HPSE2: variants seen among roughly 807,000 people sequenced by gnomAD.
HPSE2 encodes the protein heparanase 2 (inactive), also known as inactive heparanase-2.
Under a neutral mutation model 60.5 loss-of-function variants are expected in HPSE2, and 38 were observed. That is an observed-to-expected ratio of 0.63 (90% CI 0.48 to 0.82). HPSE2 has a LOEUF of 0.82. HPSE2 is among the 40% of genes least tolerant of loss of function. The probability of loss-of-function intolerance (pLI) is 0.00; values close to 1 mark genes in which losing one functional copy is unlikely to be tolerated. For missense variants in HPSE2, 713 were observed against 740.4 expected (o/e 0.96, Z 0.43); for synonymous variants, 295 against 293.2 (o/e 1.01, Z -0.06).
chr10:99,228,357 T>C (rs1849540382), intron 2 of HPSE2, among the ~76,000 whole-genome samples: 1 of 152,152 alleles, frequency 6.6e-6, no homozygotes, highest in Non-Finnish European at 1.5e-5. Context: ...AAGAGCAACA[T>C]GATGAATATG....
chr10:99,151,912 T>G (rs937647466), intron 2 of HPSE2, among the ~76,000 whole-genome samples: 2 of 151,388 alleles, frequency 1.3e-5, no homozygotes, highest in East Asian at 3.9e-4. Context: ...CTAGACCCTA[T>G]CTCATAAATA....
chr10:99,004,994 T>G (rs776859424), intron 3 of HPSE2, among the ~76,000 whole-genome samples: 10 of 152,314 alleles, frequency 6.6e-5, no homozygotes, highest in Non-Finnish European at 1.2e-4. Flanking sequence ...CTATAAAGTT[T>G]CTGCTCAGAA....
intron 6 of HPSE2, among the ~76,000 whole-genome samples, chr10:98,655,706 C>T (rs867743821): frequency 2.6e-5 from 4 of 152,286 alleles, no homozygotes; most frequent in Admixed American, 6.5e-5. Flanking sequence ...TCAACACTGA[C>T]CTTTTGCAGT....
chr10:99,063,307 A>G (rs1435735382), intron 3 of HPSE2, among the ~76,000 whole-genome samples: 1 of 152,128 alleles, frequency 6.6e-6, no homozygotes, highest in Non-Finnish European at 1.5e-5. Context: ...CCAAATCAAT[A>G]TGAAAAATAC....
chr10:98,657,218 A>AAAAAT (rs1218111415), intron 6 of HPSE2, among the ~76,000 whole-genome samples: 1 of 151,902 alleles, frequency 6.6e-6, no homozygotes, highest in Admixed American at 6.6e-5. Context: ...TGTGCAAAAA[A>AAAAAT]AAAAAGCATT....
At chr10:98,951,617 G>A (rs1240597814) in intron 3 of HPSE2, among the ~76,000 whole-genome samples, 4 of 152,206 alleles carry the variant, frequency 2.6e-5, no homozygotes, top group African/African-American at 9.6e-5. Flanking sequence ...AAATGTGACA[G>A]TGGCTTTACT....
intron 2 of HPSE2, among the ~76,000 whole-genome samples, chr10:99,213,539 A>C (rs1041017965): frequency 1.8e-4 from 28 of 152,132 alleles, no homozygotes; most frequent in African/African-American, 6.8e-4. Context: ...CTTCAGTTTG[A>C]GGCATATATC....
the HPSE2 span, among the ~76,000 whole-genome samples, chr10:99,298,955 G>A: frequency 6.6e-6 from 1 of 152,208 alleles, no homozygotes; most frequent in African/African-American, 2.4e-5. Flanking sequence ...TAACAGGTGT[G>A]AGCCACTGTG....
At chr10:98,910,209 G>A (rs968730672) in intron 3 of HPSE2, among the ~76,000 whole-genome samples, 2 of 152,146 alleles carry the variant, frequency 1.3e-5, no homozygotes, top group African/African-American at 4.8e-5. Context: ...TGAGGGAGGG[G>A]CTAGTACTTC....
intron 11 of HPSE2, among the ~76,000 whole-genome samples, chr10:98,469,268 G>C (rs1445376130): frequency 6.6e-6 from 1 of 152,096 alleles, no homozygotes; most frequent in Non-Finnish European, 1.5e-5. Flanking sequence ...AATCATCTGG[G>C]GGAAGTTTGG....
intron 3 of HPSE2, among the ~76,000 whole-genome samples, chr10:99,057,307 A>G (rs1232152238): frequency 6.6e-6 from 1 of 152,224 alleles, no homozygotes; most frequent in African/African-American, 2.4e-5. Context: ...TAAATAAAAT[A>G]ACAGCAAGTG....
chr10:98,543,489 A>G (rs1005425608), intron 9 of HPSE2, among the ~76,000 whole-genome samples: 9 of 152,206 alleles, frequency 5.9e-5, no homozygotes, highest in African/African-American at 1.9e-4. Flanking sequence ...TATTAACTTT[A>G]AATGTAAATG....
At chr10:99,259,141 A>C in the HPSE2 span, among the ~76,000 whole-genome samples, 1 of 152,154 alleles carries the variant, frequency 6.6e-6, no homozygotes, top group Non-Finnish European at 1.5e-5. Flanking sequence ...CCCCATCTCT[A>C]CTAAAAATGC....
At chr10:98,465,890 GT>G (rs1171498563) in intron 11 of HPSE2, among the ~76,000 whole-genome samples, 2 of 152,090 alleles carry the variant, frequency 1.3e-5, no homozygotes, top group African/African-American at 2.4e-5. Flanking sequence ...TTTTTACAAA[GT>G]CTGAGTTATT....
chr10:99,268,405 A>G, the HPSE2 span, among the ~76,000 whole-genome samples: 3 of 152,198 alleles, frequency 2.0e-5, no homozygotes, highest in South Asian at 6.2e-4. Context: ...GCACTTTGGG[A>G]GGCTGAGCTG....
the HPSE2 span, among the ~76,000 whole-genome samples, chr10:99,251,597 A>ACCAAAACTTG: frequency 9.6e-4 from 36 of 37,438 alleles, no homozygotes; most frequent in Admixed American, 2.7e-3. Flanking sequence ...ACAAAATACT[A>ACCAAAACTTG]GCAAACCGAA....
chr10:98,899,834 A>G (rs1367230578), intron 3 of HPSE2, among the ~76,000 whole-genome samples: 1 of 141,974 alleles, frequency 7.0e-6, no homozygotes, highest in East Asian at 2.1e-4. Flanking sequence ...CCCAGGCCGG[A>G]GTGCAGTGGC....
At position 98,713,970 on chromosome 10, in the gene HPSE2, C is replaced by T. The variant is rs111899336; in HGVS notation, c.956+7687G>A. Among the ~76,000 whole-genome samples, 559 of 152,006 alleles carry T rather than the reference C, an allele frequency of 3.7e-3. 7 individuals carry two copies. Among genetic ancestry groups the T allele is most frequent in the African/African-American group, 0.013 (538 of 41,520 alleles). Reference sequence around the variant, plus strand: ...TATTTCTTCTCTCCATTTCTACCTTCTATTTCTATCAACTGTCCCTTTACT... The same window carrying T: ...TATTTCTTCTCTCCATTTCTACCTTTTATTTCTATCAACTGTCCCTTTACT... On this transcript the variant is annotated intron_variant, in intron 5 of 11. Transcript: ENST00000370552.
intron 3 of HPSE2, among the ~76,000 whole-genome samples, chr10:98,918,326 T>C (rs1954180110): frequency 6.6e-6 from 1 of 152,178 alleles, no homozygotes; most frequent in Non-Finnish European, 1.5e-5. Flanking sequence ...ATCCCATTAC[T>C]GGGTATATAT....
Sources: gnomAD v4.1 joint callset for allele counts (sites outside exome capture counted in the v4.1 genomes callset) on GRCh38, gnomAD v4.1.1 for gene constraint, MANE v1.5 for transcripts, NCBI Gene and HGNC (gene_info 2026-07-23, HGNC 2026-07-21) for gene names.